The following CNTLN variants were observed in gnomAD, a reference collection of about 807,000 sequenced individuals.
CNTLN encodes the protein centlein, centrosomal protein.
In CNTLN, 212 loss-of-function variants were observed where a neutral mutation model predicts 180.0. That is an observed-to-expected ratio of 1.18 (90% CI 1.05 to 1.32). The LOEUF (loss-of-function observed/expected upper bound fraction) is 1.32, where lower values mean the gene tolerates loss of function less well. Ranked by LOEUF, CNTLN falls within the 40% of genes most tolerant of loss-of-function variation. The pLI is 0.00. For missense variants in CNTLN, 2,095 were observed against 1,610.9 expected (o/e 1.30, Z -5.14); for synonymous variants, 722 against 563.1 (o/e 1.28, Z -3.99).
At chr9:17,347,839 A>G (rs778932577) in intron 12 of CNTLN, among the ~76,000 whole-genome samples, 2 of 151,968 alleles carry the variant, frequency 1.3e-5, no homozygotes, top group African/African-American at 2.4e-5. Flanking sequence ...TTTTATTTAT[A>G]TATATTTTTT....
chr9:17,294,661 C>T (rs1437619840), intron 6 of CNTLN, among the ~76,000 whole-genome samples: 1 of 148,866 alleles, frequency 6.7e-6, no homozygotes, highest in African/African-American at 2.5e-5. Context: ...AGCTGCCTGC[C>T]AGTCCCGTGC....
intron 23 of CNTLN, among the ~76,000 whole-genome samples, chr9:17,483,329 G>T (rs1281745757): frequency 9.7e-5 from 1 of 10,334 alleles, no homozygotes; most frequent in African/African-American, 1.2e-4. Flanking sequence ...TGGAGAAACA[G>T]ATACTTTTTA....
intron 2 of CNTLN, among the ~76,000 whole-genome samples, chr9:17,187,855 A>G (rs7030801): frequency 0.23 from 34,911 of 151,358 alleles, 4,762 homozygotes; most frequent in African/African-American, 0.37. Context: ...ATATGTAACC[A>G]GAAGCAGTTT....
intron 4 of CNTLN, 23 bp downstream of exon 4, chr9:17,235,815 T>G (rs765857631): frequency 3.8e-6 from 6 of 1,574,262 alleles, no homozygotes; most frequent in Admixed American, 2.1e-5. Flanking sequence ...GTACATAGTT[T>G]TGTGGGACTG....
At chr9:17,232,319 G>C (rs577091066) in intron 3 of CNTLN, among the ~76,000 whole-genome samples, 10 of 151,592 alleles carry the variant, frequency 6.6e-5, no homozygotes, top group Non-Finnish European at 1.0e-4. Flanking sequence ...TAATAATTTT[G>C]GTTAACCAAT....
the CNTLN span, among the ~76,000 whole-genome samples, chr9:17,524,777 C>T: frequency 6.6e-6 from 1 of 152,114 alleles, no homozygotes; most frequent in African/African-American, 2.4e-5. Context: ...GTGCTTTAGG[C>T]ATGTTTTTAA....
intron 8 of CNTLN, among the ~76,000 whole-genome samples, chr9:17,325,158 T>C (rs924353431): frequency 1.0e-4 from 13 of 123,870 alleles, no homozygotes; most frequent in Non-Finnish European, 2.2e-4. Flanking sequence ...TACAATATTA[T>C]GTTAAATTGA....
chr9:17,286,663 G>T, intron 6 of CNTLN, among the ~76,000 whole-genome samples: 1 of 124,576 alleles, frequency 8.0e-6, no homozygotes, highest in African/African-American at 3.5e-5. Flanking sequence ...CCATTTGTTT[G>T]TATCCTCTTT....
chr9:17,513,096 G>GGCGTGA, the CNTLN span, among the ~76,000 whole-genome samples: 1 of 152,090 alleles, frequency 6.6e-6, no homozygotes, highest in Non-Finnish European at 1.5e-5. Flanking sequence ...TGGGATTACA[G>GGCGTGA]GCCACGGTGC....
chr9:17,292,938 T>A (rs1563964954), intron 6 of CNTLN, among the ~76,000 whole-genome samples: 1 of 152,222 alleles, frequency 6.6e-6, no homozygotes, highest in African/African-American at 2.4e-5. Flanking sequence ...CTAGCTTTGA[T>A]CTTTCAGTTT....
chr9:17,355,217 C>T (rs1036421454), intron 12 of CNTLN, among the ~76,000 whole-genome samples: 7 of 152,186 alleles, frequency 4.6e-5, no homozygotes, highest in Non-Finnish European at 1.0e-4. Context: ...GACGGGGTTT[C>T]GCCATGTTGC....
chr9:17,436,551 C>A (rs1264385438), intron 18 of CNTLN, among the ~76,000 whole-genome samples: 1 of 152,190 alleles, frequency 6.6e-6, no homozygotes, highest in Non-Finnish European at 1.5e-5. Flanking sequence ...AAACATTGAG[C>A]ATGAAAACTA....
intron 16 of CNTLN, among the ~76,000 whole-genome samples, chr9:17,411,677 C>T (rs988727513): frequency 1.7e-4 from 26 of 152,132 alleles, no homozygotes; most frequent in African/African-American, 6.0e-4. Context: ...GCATGAACCC[C>T]GCTGTGAACT....
At position 17,165,255 on chromosome 9, in the gene CNTLN, A is replaced by G. The variant is rs151228950; in HGVS notation, c.449+21879A>G. 1.1e-3 allele frequency among the ~76,000 whole-genome samples: 162 copies of G among 152,318 alleles called. 2 individuals are homozygous for G. In the East Asian group the frequency reaches 0.022, roughly 21 times the overall value. ...TGAAGTGAAAATTTGAAACTATGACAGTAGGAATTTAGGTTAAATGTGATG... is the reference window on the plus strand; with the variant it reads ...TGAAGTGAAAATTTGAAACTATGACGGTAGGAATTTAGGTTAAATGTGATG... On this transcript the variant is annotated intron_variant, in intron 2 of 25. Transcript: ENST00000380647.
chr9:17,361,126 A>G (rs565027972), intron 12 of CNTLN, among the ~76,000 whole-genome samples: 4 of 152,176 alleles, frequency 2.6e-5, no homozygotes, highest in East Asian at 3.9e-4. Context: ...TTTGTTACAT[A>G]TGTATACATG....
chr9:17,406,933 T>G (rs1827438299), intron 15 of CNTLN, among the ~76,000 whole-genome samples: 1 of 151,846 alleles, frequency 6.6e-6, no homozygotes, highest in South Asian at 2.1e-4. Flanking sequence ...TTGTGAAATA[T>G]GCTGCTTTTT....
intron 10 of CNTLN, among the ~76,000 whole-genome samples, chr9:17,335,925 C>CAAAAA (rs66491731): frequency 1.3e-4 from 18 of 138,478 alleles, no homozygotes; most frequent in African/African-American, 3.2e-4. Flanking sequence ...GAGTCTGTCT[C>CAAAAA]AAAAACAAAA....
intron 19 of CNTLN, among the ~76,000 whole-genome samples, chr9:17,458,719 T>C (rs1831282156): frequency 6.6e-6 from 1 of 151,944 alleles, no homozygotes; most frequent in Admixed American, 6.6e-5. Flanking sequence ...GCTTTATTAA[T>C]AGTAACCAAA....
chr9:17,358,905 G>A (rs11791000), intron 12 of CNTLN, among the ~76,000 whole-genome samples: 34,572 of 152,004 alleles, frequency 0.23, 4,212 homozygotes, highest in South Asian at 0.34. Context: ...GTTTTAGATT[G>A]ATTATAGTCT....
Sources: allele counts gnomAD v4.1 joint callset (sites outside exome capture counted in the v4.1 genomes callset), GRCh38; gene constraint gnomAD v4.1.1; transcripts MANE v1.5; gene names NCBI Gene and HGNC (gene_info 2026-07-23, HGNC 2026-07-21).